KLHL3: variants seen among roughly 807,000 people sequenced by gnomAD.
KLHL3 encodes kelch like family member 3.
A neutral mutation model predicts 70.5 loss-of-function variants in KLHL3; 19 were observed. The observed-to-expected ratio is 0.27, with a 90% CI of 0.19 to 0.40. The LOEUF is 0.40. Among genes scored for constraint, KLHL3 ranks in the 10% least tolerant of loss-of-function variants. The probability of loss-of-function intolerance (pLI) is 1.00; values close to 1 mark genes in which losing one functional copy is unlikely to be tolerated. For missense variants in KLHL3, 512 were observed against 771.1 expected, an observed-to-expected ratio of 0.66 and a Z score of 3.98; for synonymous variants, 258 against 290.3, an observed-to-expected ratio of 0.89 and a Z score of 1.13.
At chr5:137,704,250 T>C (rs1235710685) in intron 3 of KLHL3, among the ~76,000 whole-genome samples, 2 of 151,982 alleles carry the variant, frequency 1.3e-5, no homozygotes, top group African/African-American at 4.8e-5. Context: ...CCGGGCGCGG[T>C]GGCGGGCGCC....
chr5:137,686,245 A>G (rs940339778), intron 5 of KLHL3, among the ~76,000 whole-genome samples: 1 of 152,170 alleles, frequency 6.6e-6, no homozygotes, highest in African/African-American at 2.4e-5. Flanking sequence ...AGCAGCAGTG[A>G]CCTGAGGATT....
chr5:137,638,300 A>G (rs1750820541), intron 10 of KLHL3, among the ~76,000 whole-genome samples: 3 of 152,204 alleles, frequency 2.0e-5, no homozygotes, highest in African/African-American at 7.2e-5. Flanking sequence ...CGAAGTAAAA[A>G]ATACTGCTTT....
Position 137,639,162 on chromosome 5 carries a change from G to A in KLHL3, c.1022-12C>T. ...CATGAACACCACACCTGAGGCACAGGAAACCAAGACATCAAGGTCAGGTCA... is the reference window on the plus strand; with the variant it reads ...CATGAACACCACACCTGAGGCACAGAAAACCAAGACATCAAGGTCAGGTCA... On this transcript the variant is annotated splice_polypyrimidine_tract_variant and intron_variant, in intron 9 of 14. Transcript: ENST00000309755. The surrounding 1 kb of genome is among the most constrained non-coding windows in gnomAD (Gnocchi z 5.0). 1 of 1,612,858 alleles carries A rather than the reference G, an allele frequency of 6.2e-7. No individual in the cohort carries two copies.
intron 1 of KLHL3, among the ~76,000 whole-genome samples, chr5:137,726,845 CAACA>C (rs1041756183): frequency 8.5e-5 from 13 of 152,170 alleles, no homozygotes; most frequent in Admixed American, 2.0e-4. Context: ...ATAGTCTGAC[CAACA>C]CTTTTATTTT....
At chr5:137,649,923 G>A (rs902126415) in intron 8 of KLHL3, among the ~76,000 whole-genome samples, 1 of 152,114 alleles carries the variant, frequency 6.6e-6, no homozygotes, top group East Asian at 1.9e-4. Context: ...GTAAAACCCT[G>A]GGCAAATCAC....
Position 137,644,597 on chromosome 5 carries a change from C to A in KLHL3, c.904-4620G>T, listed in dbSNP as rs148525556. Among the ~76,000 whole-genome samples, 138 of 152,202 alleles carry A rather than the reference C, an allele frequency of 9.1e-4. 1 individual carries two copies. The highest frequency in any genetic ancestry group is 3.2e-3 in the African/African-American group (132 of 41,520). On this transcript the variant is annotated intron_variant, in intron 8 of 14. Transcript: ENST00000309755. ...TTAATTTTTCCTGGACACATACAACCAACCAATATAGAATCATGAAGAAAC... is the reference window on the plus strand; with the variant it reads ...TTAATTTTTCCTGGACACATACAACAAACCAATATAGAATCATGAAGAAAC...
intron 4 of KLHL3, among the ~76,000 whole-genome samples, chr5:137,694,446 A>C (rs1218294901): frequency 6.6e-6 from 1 of 152,052 alleles, no homozygotes; most frequent in Non-Finnish European, 1.5e-5. Context: ...CTCCCCACTA[A>C]GCAGCCATCA....
chr5:137,680,054 GACAGGA>G (rs1221530122), intron 5 of KLHL3, among the ~76,000 whole-genome samples: 8 of 152,228 alleles, frequency 5.3e-5, no homozygotes, highest in African/African-American at 1.9e-4. Context: ...GGATAGAAAA[GACAGGA>G]ACAGGATGCT....
chr5:137,724,459 T>C (rs986008696), intron 1 of KLHL3, among the ~76,000 whole-genome samples: 1 of 152,216 alleles, frequency 6.6e-6, no homozygotes, highest in Admixed American at 6.5e-5. Context: ...CCCTGTTGTG[T>C]TTACCAATGT....
At chr5:137,722,679 C>A (rs960273390) in intron 1 of KLHL3, among the ~76,000 whole-genome samples, 28 of 152,126 alleles carry the variant, frequency 1.8e-4, no homozygotes, top group African/African-American at 6.7e-4. Flanking sequence ...TCATCTGATA[C>A]TTATTTTTTC....
At position 137,619,602 on chromosome 5, in the gene KLHL3, T is replaced by A. The variant is rs1269070515; in HGVS notation, c.*2496A>T. ...TCCACTGTGGAAAGAGAATCGTACC[T>A]GGTGATGAAGAGATAGCAGGTTTTG... On this transcript the variant is annotated 3_prime_UTR_variant, in exon 15 of 15. Transcript: ENST00000309755. 19 of 152,674 alleles carry A rather than the reference T, an allele frequency of 1.2e-4. No individual in the cohort carries two copies. The highest frequency in any genetic ancestry group is 1.5e-5 in the Non-Finnish European group (1 of 68,054). The allele number at this position is 152,674 out of a possible 1,614,324, so 9.5% of individuals were successfully genotyped here.
In KLHL3 at chr5:137,735,622, T is replaced by A. The variant is rs886059959; in HGVS notation, c.14+11A>T. 3 of 1,601,146 alleles carry A rather than the reference T, an allele frequency of 1.9e-6. No individual in the cohort carries two copies. The highest frequency in any genetic ancestry group is 2.6e-6 in the Non-Finnish European group (3 of 1,168,122). On this transcript the variant is annotated intron_variant, in intron 1 of 14. Coordinates refer to ENST00000309755, the MANE Select transcript of KLHL3 (RefSeq NM_017415.3). ...ACACACACAACACAGCACACACTTA[T>A]ACATACATACCTTTCACCCTCCATT...
At chr5:137,701,174 A>T (rs1752559639) in intron 3 of KLHL3, among the ~76,000 whole-genome samples, 1 of 152,090 alleles carries the variant, frequency 6.6e-6, no homozygotes, top group Non-Finnish European at 1.5e-5. Flanking sequence ...CTGAGATTAC[A>T]GGCATGCGCC....
chr5:137,732,275 C>T (rs1753190467), intron 1 of KLHL3, among the ~76,000 whole-genome samples: 2 of 151,946 alleles, frequency 1.3e-5, no homozygotes, highest in African/African-American at 4.8e-5. Flanking sequence ...ACTGTTCAAG[C>T]CACAGTGATT....
chr5:137,715,148 A>C (rs1752870090), intron 2 of KLHL3, among the ~76,000 whole-genome samples: 1 of 152,238 alleles, frequency 6.6e-6, no homozygotes, highest in African/African-American at 2.4e-5. Flanking sequence ...GCAGAGCAAC[A>C]AAGTGCAAAA....
intron 12 of KLHL3, chr5:137,629,861 T>G (rs1234811975): frequency 1.3e-5 from 2 of 152,188 alleles, no homozygotes; most frequent in African/African-American, 4.8e-5. Flanking sequence ...CCCTGAGAGA[T>G]GGCCTCTTTT....
chr5:137,678,732 C>T (rs1478173746), intron 5 of KLHL3, among the ~76,000 whole-genome samples: 1 of 152,070 alleles, frequency 6.6e-6, no homozygotes, highest in Non-Finnish European at 1.5e-5. Flanking sequence ...AATTCTCATA[C>T]AAATTTCTAC....
At chr5:137,628,204 A>T (rs1461437339) in intron 13 of KLHL3, 93 bp downstream of exon 13, 19 of 1,486,756 alleles carry the variant, frequency 1.3e-5, no homozygotes, top group African/African-American at 4.1e-5. Context: ...TCAGCTCCAG[A>T]CCCTGGGAAA....
In KLHL3 at chr5:137,628,347, G is replaced by T; in HGVS notation, c.1541C>A (p.Thr514Lys). 1 of 1,614,040 alleles carries T rather than the reference G, an allele frequency of 6.2e-7. No individual in the cohort carries two copies. Among genetic ancestry groups the T allele is most frequent in the Non-Finnish European group, 8.5e-7 (1 of 1,179,986 alleles). Residue 514 changes from threonine (T) to lysine (K), a missense_variant, in exon 13 of 15, where the codon ACA (threonine) becomes AAA (lysine). By Grantham distance (78) the Thr-to-Lys change is moderately conservative. Coordinates refer to ENST00000309755, the MANE Select transcript of KLHL3 (RefSeq NM_017415.3). ...RKSVEVYDPG[T>K]NTWKQVADMN... ...GTCTGCCACTTGCTTCCAGGTATTT[G>T]TTCCAGGATCGTAAACCTCAACGCT... is the stretch of plus-strand genomic sequence containing the variant.
Sources: allele counts gnomAD v4.1 joint callset (sites outside exome capture counted in the v4.1 genomes callset), GRCh38; gene constraint gnomAD v4.1.1; non-coding constraint Gnocchi (gnomAD v3.1); transcripts MANE v1.5; gene names NCBI Gene and HGNC (gene_info 2026-07-23, HGNC 2026-07-21).